TRPV3: variants seen among roughly 807,000 people sequenced by gnomAD.
TRPV3 encodes the protein VRL-3.
In TRPV3, 88 loss-of-function variants were observed where a neutral mutation model predicts 87.1. That is an observed-to-expected ratio of 1.01 (90% CI 0.85 to 1.21). The LOEUF (loss-of-function observed/expected upper bound fraction) is 1.21. Among genes scored for constraint, TRPV3 ranks in the 50% most tolerant of loss-of-function variants. TRPV3 has a pLI of 0.00. For synonymous variants in TRPV3, 438 were observed against 423.3 expected (o/e 1.03, Z -0.43); for missense variants, 1,054 against 1,030.1 (o/e 1.02, Z -0.32).
At chr17:3,516,678 T>C (rs1350509275) in intron 15 of TRPV3, 109 bp from the exon 16 acceptor site, 2 of 782,182 alleles carry the variant, frequency 2.6e-6, no homozygotes, top group East Asian at 2.6e-5. Flanking sequence ...GCTTAATGCA[T>C]AGATCGCAAG....
In TRPV3 at chr17:3,542,678, T is replaced by G; in HGVS notation, c.487A>C (p.Thr163Pro). The G allele has an allele frequency of 1.2e-6, 2 of 1,613,950 alleles. No homozygotes were observed. The highest frequency in any genetic ancestry group is 1.7e-6 in the Non-Finnish European group (2 of 1,179,910). Residue 163 changes from threonine to proline, a missense_variant, in exon 6 of 18, where the codon ACG (threonine) becomes CCG (proline). Transcript: ENST00000576742. ...DVPDFLMHKL[T>P]ASDTGKTCLM... ...CAGGTCTTCCCCGTGTCGGAGGCCG[T>G]CAGCTTGTGCATGAGGAAGTCTGCA...
At position 3,526,843 on chromosome 17, in the gene TRPV3, G is replaced by A; in HGVS notation, c.1577+11C>T. The A allele has an allele frequency of 6.2e-7, 1 of 1,607,554 alleles. No homozygotes were observed. Among genetic ancestry groups the A allele is most frequent in the Non-Finnish European group, 8.5e-7 (1 of 1,176,922 alleles). On this transcript the variant is annotated intron_variant, in intron 12 of 17. Transcript: ENST00000576742. ...CTGTGAGGCGATAACCAAGGGGCCA[G>A]ACCTACTTACAAGACAAAGTGGAAC... is the stretch of plus-strand genomic sequence containing the variant.
chr17:3,535,631 G>A lies in TRPV3; in HGVS notation c.726C>T (p.Asn242=). The A allele has an allele frequency of 6.2e-7, 1 of 1,609,154 alleles. No homozygotes were observed. The highest frequency in any genetic ancestry group is 8.5e-7 in the Non-Finnish European group (1 of 1,178,556). Residue 242 remains asparagine (N), a synonymous_variant, in exon 7 of 18, where the codon AAC becomes AAT. Transcript: ENST00000576742. ...TGAAGAAGGCCCCCTTGGCGTGCGC[G>A]TTGACGTCGGCGCCGGCGGCGATGA... ...ALLIAAGADV[N]AHAKGAFFNP...
At chr17:3,529,086 T>G (rs1293675067) in intron 9 of TRPV3, 91 bp from the exon 10 acceptor site, 1 of 1,414,472 alleles carries the variant, frequency 7.1e-7, no homozygotes, top group Non-Finnish European at 9.9e-7. Flanking sequence ...GAGTCAGTGC[T>G]GCAGAAGGGG....
In TRPV3 at chr17:3,519,890, T is replaced by TGGATGGA. The variant is rs1567630908; in HGVS notation, c.1811-1041_1811-1040insTCCATCC. Among the ~76,000 whole-genome samples, 12 of 33,476 alleles carry TGGATGGA rather than the reference T, an allele frequency of 3.6e-4. No individual in the cohort carries two copies. The East Asian group carries it at 4.5e-3, about 13-fold the overall frequency. The allele number at this position is 33,476 out of a possible 152,430, so 22.0% of individuals were successfully genotyped here. A position where few individuals can be genotyped will look rare whatever the true frequency, so the allele number is the denominator to read the frequency against. On this transcript the variant is annotated intron_variant, in intron 14 of 17. Transcript: ENST00000576742. ...GATGGATGGATGGATGGATGGATGA[T>TGGATGGA]TGGATGGATGATTAGATGGATGGAT...
In TRPV3 at chr17:3,514,581, C is replaced by G. The variant is rs1597462824; in HGVS notation, c.2278+12G>C. On this transcript the variant is annotated intron_variant, in intron 17 of 17. Transcript: ENST00000576742. ...CAGGAGCGGACACCATGTCACCTCA[C>G]AGCGACAGTACCTGTTCGTCTTACA... is the stretch of plus-strand genomic sequence containing the variant. 6.2e-7 allele frequency: 1 copy of G among 1,604,686 alleles called. No homozygotes were observed.
intron 6 of TRPV3, among the ~76,000 whole-genome samples, chr17:3,538,071 G>A (rs1422419987): frequency 6.6e-6 from 1 of 151,396 alleles, no homozygotes; most frequent in Admixed American, 6.6e-5. Flanking sequence ...GATGGTGAGT[G>A]CCTGTAGTCC....
At chr17:3,550,337 G>T (rs991105111) in intron 2 of TRPV3, among the ~76,000 whole-genome samples, 1 of 151,896 alleles carries the variant, frequency 6.6e-6, no homozygotes, top group Non-Finnish European at 1.5e-5. Context: ...GCCCAAAGAT[G>T]GTCCAGAAAG....
intron 6 of TRPV3, among the ~76,000 whole-genome samples, chr17:3,541,815 C>CT (rs2074464301): frequency 6.6e-6 from 1 of 152,248 alleles, no homozygotes; most frequent in Non-Finnish European, 1.5e-5. Context: ...GATGACCACT[C>CT]TGACTGTCCA....
chr17:3,510,760 C>T lies in TRPV3; in HGVS notation c.*3157G>A, dbSNP rs1215192988. The T allele has an allele frequency of 6.6e-6, 1 of 152,206 alleles. No homozygotes were observed. The highest frequency in any genetic ancestry group is 1.5e-5 in the Non-Finnish European group (1 of 68,050). The allele number at this position is 152,206 out of a possible 1,614,324, so 9.4% of individuals were successfully genotyped here. A position where few individuals can be genotyped will look rare whatever the true frequency, so the allele number is the denominator to read the frequency against. On this transcript the variant is annotated 3_prime_UTR_variant, in exon 18 of 18. Transcript: ENST00000576742. ...GCAGAAATCAAGTACGGCTTACAGG[C>T]CCGGATGACGGCCCATCTACCTGGG...
rs1020919117 is a variant in TRPV3, at chr17:3,542,581, T to C, written c.584A>G (p.Glu195Gly). ...GAACCTGCCCAGGATGTCGTTCTCT[T>C]CAGCAAAGGCAAGCAGGATCCGCAC... The part of the protein sequence containing the change: ...EIVRILLAFA[E>G]ENDILGRFIN... Residue 195 changes from glutamate (E) to glycine (G), a missense_variant, in exon 6 of 18, where the codon GAA (glutamate) becomes GGA (glycine). Glu to Gly is a moderately conservative substitution (Grantham distance 98). Coordinates refer to ENST00000576742, the MANE Select transcript of TRPV3 (RefSeq NM_145068.4). 6.2e-7 allele frequency: 1 copy of C among 1,613,974 alleles called. No homozygotes were observed.
Position 3,518,353 on chromosome 17 carries a change from T to C in TRPV3, c.2085+223A>G, listed in dbSNP as rs576404168. Among the ~76,000 whole-genome samples the C allele has an allele frequency of 2.0e-5, 3 of 152,318 alleles. No individual in the cohort carries two copies. The highest frequency in any genetic ancestry group is 4.8e-5 in the African/African-American group (2 of 41,576). Reference sequence around the variant, plus strand: ...GTCAACCCTGAGCAGAGCACCCCCATGAGCCTGAGTTTTTCTACACATTCT... The same window carrying C: ...GTCAACCCTGAGCAGAGCACCCCCACGAGCCTGAGTTTTTCTACACATTCT... On this transcript the variant is annotated intron_variant, in intron 15 of 17. Coordinates refer to ENST00000576742, the MANE Select transcript of TRPV3 (RefSeq NM_145068.4). The surrounding 1 kb of genome is among the most constrained non-coding windows in gnomAD (Gnocchi z 4.3).
In TRPV3 at chr17:3,514,705, C is replaced by CT. The variant is rs35099512; in HGVS notation, c.2199-34_2199-33insA. 0.065 allele frequency: 99,917 copies of CT among 1,540,428 alleles called. 3,491 individuals carry two copies. Among genetic ancestry groups the CT allele is most frequent in the South Asian group, 0.07 (6,291 of 89,502 alleles). ...TGTGATAATCATTCTTACTATTTCA[C>CT]CAGTGCCTCACTGAGTACTAACAAA... On this transcript the variant is annotated intron_variant, in intron 16 of 17. Coordinates refer to ENST00000576742, the MANE Select transcript of TRPV3 (RefSeq NM_145068.4).
chr17:3,522,692 C>T (rs1461737770), intron 13 of TRPV3, among the ~76,000 whole-genome samples: 2 of 151,674 alleles, frequency 1.3e-5, no homozygotes, highest in African/African-American at 4.8e-5. Context: ...TGGTGCATGC[C>T]TGTAGTCCCA....
intron 7 of TRPV3, among the ~76,000 whole-genome samples, chr17:3,534,306 T>A (rs1205969775): frequency 1.3e-5 from 2 of 151,342 alleles, no homozygotes; most frequent in African/African-American, 4.9e-5. Context: ...AGCATGAGAA[T>A]CGCTTGAACC....
At chr17:3,551,044 A>C (rs2074569377) in intron 2 of TRPV3, among the ~76,000 whole-genome samples, 1 of 152,196 alleles carries the variant, frequency 6.6e-6, no homozygotes, top group Non-Finnish European at 1.5e-5. Context: ...CTTCCAGTTG[A>C]AGACAGGGAT....
intron 6 of TRPV3, among the ~76,000 whole-genome samples, chr17:3,542,248 C>T (rs559685105): frequency 3.3e-5 from 5 of 152,324 alleles, no homozygotes; most frequent in South Asian, 4.1e-4. Context: ...TGAGCCACCA[C>T]GCCCGGCCTT....
chr17:3,537,674 C>T (rs1052619777), intron 6 of TRPV3, among the ~76,000 whole-genome samples: 1 of 151,820 alleles, frequency 6.6e-6, no homozygotes, highest in Non-Finnish European at 1.5e-5. Flanking sequence ...GAAGCCGAGG[C>T]GGGTGGATCA....
At chr17:3,543,902 T>C (rs1379914635) in intron 4 of TRPV3, among the ~76,000 whole-genome samples, 1 of 152,238 alleles carries the variant, frequency 6.6e-6, no homozygotes, top group African/African-American at 2.4e-5. Flanking sequence ...CTTGAAAATA[T>C]AAGATTTCAT....
Sources: allele counts gnomAD v4.1 joint callset (sites outside exome capture counted in the v4.1 genomes callset), GRCh38; gene constraint gnomAD v4.1.1; non-coding constraint Gnocchi (gnomAD v3.1); transcripts MANE v1.5; gene names NCBI Gene and HGNC (gene_info 2026-07-23, HGNC 2026-07-21).